TCF12: variants seen among roughly 807,000 people sequenced by gnomAD.
TCF12 encodes transcription factor 12, also known as DNA-binding protein HTF4.
Under a neutral mutation model 86.0 loss-of-function variants are expected in TCF12, and 45 were observed. That is an observed-to-expected ratio of 0.52 (90% CI 0.41 to 0.67). TCF12 has a LOEUF of 0.67. TCF12 is among the 30% of genes least tolerant of loss of function. TCF12 has a pLI of 0.00. For missense variants in TCF12, 881 were observed against 859.9 expected, an observed-to-expected ratio of 1.02 and a Z score of -0.31; for synonymous variants, 330 against 299.6, an observed-to-expected ratio of 1.10 and a Z score of -1.05.
intron 18 of TCF12, 148 bp downstream of exon 18, chr15:57,263,422 ACAT>A (rs776020077): frequency 1.1e-4 from 87 of 767,016 alleles, no homozygotes; most frequent in Non-Finnish European, 1.5e-4. Flanking sequence ...TTTAATCACC[ACAT>A]CATCTCTATA....
intron 3 of TCF12, among the ~76,000 whole-genome samples, chr15:57,058,069 C>G (rs1487722386): frequency 2.0e-5 from 3 of 152,150 alleles, no homozygotes; most frequent in African/African-American, 7.2e-5. Flanking sequence ...CTTTGTCAGT[C>G]TTGGAATGTC....
chr15:56,948,733 A>C (rs1358727125), intron 3 of TCF12, among the ~76,000 whole-genome samples: 1 of 152,064 alleles, frequency 6.6e-6, no homozygotes, highest in Non-Finnish European at 1.5e-5. Flanking sequence ...AAGTTTTTAG[A>C]CCTCTGTAGG....
rs150958235 is a variant in TCF12 at position 57,188,829 on chromosome 15, C to T, written c.391-3329C>T. Among the ~76,000 whole-genome samples, 200 of 152,320 alleles carry T rather than the reference C, an allele frequency of 1.3e-3. 6 individuals are homozygous for T. In the East Asian group the frequency reaches 0.025, roughly 19 times the overall value. On this transcript the variant is annotated intron_variant, in intron 6 of 20. Coordinates refer to ENST00000333725, the MANE Select transcript of TCF12 (RefSeq NM_207037.2). ...TTTGAGACAGGGTCTCACTCTGTCA[C>T]CTGGGCTGGAATGCAGTGGCATTAT...
intron 6 of TCF12, among the ~76,000 whole-genome samples, chr15:57,176,973 T>C (rs2055959137): frequency 6.6e-6 from 1 of 152,134 alleles, no homozygotes; most frequent in Non-Finnish European, 1.5e-5. Flanking sequence ...GTCACGAAGA[T>C]TAAGAAGACG....
Position 57,253,446 on chromosome 15 carries a change from C to G in TCF12, c.1445C>G (p.Ala482Gly). The change falls in exon 16 of 21, where the codon GCA (alanine) becomes GGA (glycine). Residue 482 changes from alanine (A) to glycine (G), a missense_variant. By Grantham distance (60) the Ala-to-Gly change is moderately conservative (BLOSUM62 0). Around this residue, in one of 3 missense-constraint regions of TCF12, gnomAD observed 766 missense variants for 718.9 expected, o/e 1.07. Transcript: ENST00000333725. ...NSNYGGSSLV[A>G]SSRSASMVGT... ...AACTATGGAGGATCAAGCCTTGTTG[C>G]AAGCAGTCGATCAGCTTCAATGGTA... 1 of 1,614,058 alleles carries G rather than the reference C, an allele frequency of 6.2e-7. No homozygotes were observed. Among genetic ancestry groups the G allele is most frequent in the Non-Finnish European group, 8.5e-7 (1 of 1,179,968 alleles).
At chr15:57,228,644 C>T (rs1413688200) in intron 8 of TCF12, among the ~76,000 whole-genome samples, 2 of 152,022 alleles carry the variant, frequency 1.3e-5, no homozygotes, top group African/African-American at 4.8e-5. Context: ...AAACCATTTT[C>T]TGATCAGCAT....
At chr15:57,002,793 C>T (rs1403652331) in intron 3 of TCF12, among the ~76,000 whole-genome samples, 1 of 152,218 alleles carries the variant, frequency 6.6e-6, no homozygotes, top group Admixed American at 6.5e-5. Context: ...TATGGCGCTT[C>T]TCATGCTGTA....
intron 16 of TCF12, among the ~76,000 whole-genome samples, chr15:57,260,913 C>T (rs1340398869): frequency 1.3e-5 from 2 of 152,154 alleles, no homozygotes; most frequent in African/African-American, 4.8e-5. Context: ...CATTTCTTTA[C>T]TGATTGTTAG....
chr15:56,953,450 G>T (rs914584554), intron 3 of TCF12, among the ~76,000 whole-genome samples: 6 of 151,776 alleles, frequency 4.0e-5, no homozygotes, highest in African/African-American at 1.5e-4. Flanking sequence ...CTTATAGTTG[G>T]TATGTTTCTT....
At chr15:57,077,749 A>AG (rs1213716980) in intron 4 of TCF12, among the ~76,000 whole-genome samples, 4 of 151,610 alleles carry the variant, frequency 2.6e-5, no homozygotes, top group Admixed American at 2.6e-4. Flanking sequence ...AGTTTTTTAA[A>AG]AAAAAAAAAA....
At chr15:57,189,542 A>G (rs1343811970) in intron 6 of TCF12, among the ~76,000 whole-genome samples, 1 of 152,196 alleles carries the variant, frequency 6.6e-6, no homozygotes, top group Admixed American at 6.5e-5. Context: ...CAAATGAGAT[A>G]CCACTTTGCC....
chr15:57,036,381 A>G (rs1377719275), intron 3 of TCF12, among the ~76,000 whole-genome samples: 4 of 152,182 alleles, frequency 2.6e-5, no homozygotes, highest in Non-Finnish European at 4.4e-5. Flanking sequence ...ACCTAGAAGT[A>G]AAATTGCCAG....
At chr15:57,180,426 C>G (rs1232402523) in intron 6 of TCF12, among the ~76,000 whole-genome samples, 2 of 152,080 alleles carry the variant, frequency 1.3e-5, no homozygotes. Context: ...TTCTTGATCC[C>G]TCAGTGACAA....
At chr15:56,931,492 A>C (rs545739302) in intron 3 of TCF12, among the ~76,000 whole-genome samples, 1 of 152,210 alleles carries the variant, frequency 6.6e-6, no homozygotes, top group African/African-American at 2.4e-5. Context: ...TACTTTTTTG[A>C]ATTTTTACTG....
chr15:57,064,795 C>CAAAAAAAA (rs1177544594), intron 4 of TCF12, among the ~76,000 whole-genome samples: 124 of 78,044 alleles, frequency 1.6e-3, no homozygotes, highest in Admixed American at 5.1e-3. Context: ...GACTCCATCT[C>CAAAAAAAA]AAAAAAAAAA....
intron 6 of TCF12, among the ~76,000 whole-genome samples, chr15:57,189,516 C>T (rs570446287): frequency 3.6e-4 from 55 of 152,184 alleles, no homozygotes; most frequent in African/African-American, 1.2e-3. Context: ...TAGGGTTATG[C>T]GAATCAAAAC....
At chr15:57,103,488 G>A (rs1207343988) in intron 5 of TCF12, among the ~76,000 whole-genome samples, 1 of 152,100 alleles carries the variant, frequency 6.6e-6, no homozygotes, top group African/African-American at 2.4e-5. Context: ...TGTACATTTG[G>A]AAAAGTTAAA....
At chr15:57,020,243 G>A in intron 3 of TCF12, among the ~76,000 whole-genome samples, 1 of 152,184 alleles carries the variant, frequency 6.6e-6, no homozygotes, top group East Asian at 1.9e-4. Flanking sequence ...ATGTGGTTAG[G>A]GGATGAGTGG....
chr15:57,114,421 G>C (rs2050704484), intron 5 of TCF12, among the ~76,000 whole-genome samples: 1 of 152,142 alleles, frequency 6.6e-6, no homozygotes, highest in African/African-American at 2.4e-5. Context: ...CCCCCAAGTA[G>C]TCGGGAGTAC....
Sources: allele counts gnomAD v4.1 joint callset (sites outside exome capture counted in the v4.1 genomes callset), GRCh38; gene constraint gnomAD v4.1.1; regional missense constraint gnomAD v4.1.1; transcripts MANE v1.5; gene names NCBI Gene and HGNC (gene_info 2026-07-23, HGNC 2026-07-21).